Variants in SH3PXD2B observed in about 807,000 individuals in gnomAD.
The protein encoded by SH3PXD2B is SH3 and PX domains 2B.
In SH3PXD2B, 37 loss-of-function variants were observed where a neutral mutation model predicts 73.1. The observed-to-expected ratio is 0.51, with a 90% CI of 0.39 to 0.67. The LOEUF is 0.67. Among genes scored for constraint, SH3PXD2B ranks in the 30% least tolerant of loss-of-function variants. The pLI is 0.00. For synonymous variants in SH3PXD2B, 457 were observed against 480.5 expected (o/e 0.95, Z 0.64); for missense variants, 1,053 against 1,197.8 (o/e 0.88, Z 1.78).
Position 172,333,537 on chromosome 5 carries a change from AT to A in SH3PXD2B, c.*4831del, listed in dbSNP as rs201531192. ...TTGAAACCAGTCAAGCACTTTTTTT[AT>A]TTAAAAAAAAAAAAAGGAAAGAAGT... On this transcript the variant is annotated 3_prime_UTR_variant, in exon 13 of 13. Coordinates refer to ENST00000311601, the MANE Select transcript of SH3PXD2B (RefSeq NM_001017995.3). 2 of 1,089,724 alleles carry A rather than the reference AT, an allele frequency of 1.8e-6. No homozygotes were observed. The highest frequency in any genetic ancestry group is 1.1e-6 in the Non-Finnish European group (1 of 891,764). The allele number at this position is 1,089,724 out of a possible 1,614,324, so 67.5% of individuals were successfully genotyped here.
rs1226897553 is a variant in SH3PXD2B at position 172,338,781 on chromosome 5, A to G, written c.2324T>C (p.Leu775Pro). Residue 775 changes from leucine to proline, a missense_variant, in exon 13 of 13, where the codon CTC becomes CCC. This residue lies in a region of SH3PXD2B where 587 missense variants were observed against 590.7 expected (regional missense o/e 0.99). Coordinates refer to ENST00000311601, the MANE Select transcript of SH3PXD2B (RefSeq NM_001017995.3). This position sits in a 1 kb window ranked among gnomAD's most constrained non-coding sequence, Gnocchi z 5.1. Reference protein sequence around the residue: ...PKKTSSSSRPLPEVRGPQCEG... With the variant: ...PKKTSSSSRPPPEVRGPQCEG... ...ACACTGTGGACCTCTGACCTCTGGG[A>G]GCGGCCTGGATGACGAAGAGGTTTT... 2.5e-6 allele frequency: 4 copies of G among 1,614,062 alleles called. No individual in the cohort carries two copies. The South Asian group carries it at 3.3e-5, about 13-fold the overall frequency.
chr5:172,333,769 C>G lies in SH3PXD2B; in HGVS notation c.*4600G>C. 1 of 1,289,080 alleles carries G rather than the reference C, an allele frequency of 7.8e-7. No homozygotes were observed. The highest frequency in any genetic ancestry group is 1.0e-6 in the Non-Finnish European group (1 of 988,728). The allele number at this position is 1,289,080 out of a possible 1,614,324, so 79.9% of individuals were successfully genotyped here. The stretch of plus-strand genomic sequence containing the variant: ...GAGGTGGTGGGCAGTGCCCACTGTT[C>G]CTGGAGGGAGGTAAGAAATGGCCTG... On this transcript the variant is annotated 3_prime_UTR_variant, in exon 13 of 13. Coordinates refer to ENST00000311601, the MANE Select transcript of SH3PXD2B (RefSeq NM_001017995.3).
intron 1 of SH3PXD2B, among the ~76,000 whole-genome samples, chr5:172,451,952 G>T (rs1759805721): frequency 1.3e-5 from 2 of 152,234 alleles, no homozygotes; most frequent in Non-Finnish European, 2.9e-5. Flanking sequence ...CTAGAAGGGA[G>T]AGGGCCTCTT....
At chr5:172,435,232 T>C (rs908035924) in intron 1 of SH3PXD2B, among the ~76,000 whole-genome samples, 14 of 152,238 alleles carry the variant, frequency 9.2e-5, no homozygotes, top group Admixed American at 3.3e-4. Context: ...CCAGGTATAG[T>C]AGACAGCTAA....
intron 1 of SH3PXD2B, among the ~76,000 whole-genome samples, chr5:172,453,686 A>G (rs961227897): frequency 6.6e-6 from 1 of 152,250 alleles, no homozygotes; most frequent in African/African-American, 2.4e-5. Flanking sequence ...ATTTTAAAAC[A>G]GAAGTTACTG....
At chr5:172,331,400 C>G (rs529420650), downstream of SH3PXD2B, among the ~76,000 whole-genome samples, 1 of 152,060 alleles carries the variant, frequency 6.6e-6, no homozygotes, top group Non-Finnish European at 1.5e-5. Context: ...ATCTGTCTTT[C>G]GACAAGCTCC....
chr5:172,372,168 A>G (rs1054963932), intron 6 of SH3PXD2B, among the ~76,000 whole-genome samples: 7 of 152,020 alleles, frequency 4.6e-5, no homozygotes, highest in African/African-American at 1.7e-4. Context: ...TCCCCACCCA[A>G]ATCTCATGTC....
At chr5:172,411,832 GAGA>G (rs1447531636) in intron 2 of SH3PXD2B, among the ~76,000 whole-genome samples, 1 of 151,822 alleles carries the variant, frequency 6.6e-6, no homozygotes, top group East Asian at 1.9e-4. Flanking sequence ...ATATACACAA[GAGA>G]AGATTTACCA....
At position 172,337,797 on chromosome 5, in the gene SH3PXD2B, C is replaced by G. The variant is rs1445002771; in HGVS notation, c.*572G>C. On this transcript the variant is annotated 3_prime_UTR_variant, in exon 13 of 13. Transcript: ENST00000311601. Reference sequence around the variant, plus strand: ...CATCCAGTGGAACCTCAGAGGCCCACGGGCCTGAGGCTTTGGGGAAGGGGA... The same window carrying G: ...CATCCAGTGGAACCTCAGAGGCCCAGGGGCCTGAGGCTTTGGGGAAGGGGA... 2.0e-6 allele frequency: 2 copies of G among 996,772 alleles called. No homozygotes were observed. Among genetic ancestry groups the G allele is most frequent in the African/African-American group, 3.5e-5 (2 of 57,406 alleles). The allele number at this position is 996,772 out of a possible 1,614,324, so 61.7% of individuals were successfully genotyped here.
At chr5:172,383,142 T>C (rs886775719) in intron 4 of SH3PXD2B, among the ~76,000 whole-genome samples, 6 of 152,202 alleles carry the variant, frequency 3.9e-5, no homozygotes, top group Non-Finnish European at 8.8e-5. Flanking sequence ...TTTAGGTTAT[T>C]TCCAACATGC....
intron 2 of SH3PXD2B, among the ~76,000 whole-genome samples, chr5:172,413,153 G>A (rs1000487804): frequency 5.9e-5 from 9 of 152,248 alleles, no homozygotes; most frequent in African/African-American, 2.2e-4. Context: ...GCAGGAAGTG[G>A]AGAAAGGCCT....
intron 1 of SH3PXD2B, among the ~76,000 whole-genome samples, chr5:172,437,773 T>C (rs974578751): frequency 3.3e-5 from 5 of 152,210 alleles, no homozygotes; most frequent in African/African-American, 1.2e-4. Context: ...TAGGGCTGTG[T>C]TCCTACTGCA....
intron 5 of SH3PXD2B, among the ~76,000 whole-genome samples, chr5:172,375,276 C>T (rs961212389): frequency 1.7e-4 from 26 of 151,890 alleles, no homozygotes; most frequent in Non-Finnish European, 3.5e-4. Flanking sequence ...AGGAGAATCG[C>T]TTGAACCTGG....
intron 10 of SH3PXD2B, among the ~76,000 whole-genome samples, chr5:172,348,187 C>A (rs1198222512): frequency 6.6e-6 from 1 of 152,164 alleles, no homozygotes; most frequent in African/African-American, 2.4e-5. Context: ...ACCCTTGCAG[C>A]CAGGTATTGC....
At chr5:172,352,617 A>C (rs1295435390) in intron 9 of SH3PXD2B, among the ~76,000 whole-genome samples, 1 of 152,042 alleles carries the variant, frequency 6.6e-6, no homozygotes, top group Non-Finnish European at 1.5e-5. Flanking sequence ...TGTGGGAGGG[A>C]CTCAGGCGGA....
At chr5:172,428,951 G>T (rs1358511059) in intron 1 of SH3PXD2B, among the ~76,000 whole-genome samples, 1 of 152,124 alleles carries the variant, frequency 6.6e-6, no homozygotes, top group African/African-American at 2.4e-5. Context: ...ATGAGGTTGG[G>T]TGCCCCTGCT....
chr5:172,325,353 G>T, exon 13 of SH3PXD2B: 1 of 1,535,438 alleles, frequency 6.5e-7, no homozygotes, highest in Non-Finnish European at 8.7e-7. Flanking sequence ...ACTTCCACAG[G>T]GCTCTCCAAG....
chr5:172,441,036 T>C (rs192826767), intron 1 of SH3PXD2B, among the ~76,000 whole-genome samples: 28 of 152,234 alleles, frequency 1.8e-4, no homozygotes, highest in Non-Finnish European at 2.9e-4. Flanking sequence ...TCCTAAAACA[T>C]TACGATGAAC....
rs1438110934 is a variant in SH3PXD2B, at chr5:172,454,482, G to GCCGCCGCCGCCACCGCCGCCGCCGCCA, written c.-131_-130insTGGCGGCGGCGGCGGTGGCGGCGGCGG. 3.4e-6 allele frequency: 1 copy of GCCGCCGCCGCCACCGCCGCCGCCGCCA among 294,870 alleles called. No individual in the cohort carries two copies. Among genetic ancestry groups the GCCGCCGCCGCCACCGCCGCCGCCGCCA allele is most frequent in the African/African-American group, 2.4e-5 (1 of 42,400 alleles). 18.3% of individuals were successfully genotyped at this position (294,870 alleles called of 1,614,324 possible). ...CAATCGCAGCCGGGGCCGAGCACGA[G>GCCGCCGCCGCCACCGCCGCCGCCGCCA]CCGCCGCCGCCACCGCCGCCGCCCT... On this transcript the variant is annotated 5_prime_UTR_variant, in exon 1 of 13. Transcript: ENST00000311601.
Sources: gnomAD v4.1 joint callset for allele counts (sites outside exome capture counted in the v4.1 genomes callset) on GRCh38, gnomAD v4.1.1 for gene constraint, gnomAD v4.1.1 regional missense constraint, Gnocchi (gnomAD v3.1) non-coding constraint, MANE v1.5 for transcripts, NCBI Gene and HGNC (gene_info 2026-07-23, HGNC 2026-07-21) for gene names.